PRICKLE2: variants seen among roughly 807,000 people sequenced by gnomAD.
PRICKLE2 encodes prickle-like protein 2.
In PRICKLE2, 21 loss-of-function variants were observed where a neutral mutation model predicts 81.4. The ratio of observed to expected loss-of-function variants is 0.26; its 90% CI spans 0.18 to 0.37. The LOEUF (loss-of-function observed/expected upper bound fraction) is 0.37. Among genes scored for constraint, PRICKLE2 ranks in the 10% least tolerant of loss-of-function variants. The pLI, the probability that PRICKLE2 is intolerant of heterozygous loss-of-function variation, is 1.00. For synonymous variants in PRICKLE2, 456 were observed against 421.5 expected, an observed-to-expected ratio of 1.08 and a Z score of -1.00; for missense variants, 940 against 1,109.0, an observed-to-expected ratio of 0.85 and a Z score of 2.16.
chr3:64,146,763 G>C, intron 7 of PRICKLE2, 67 bp downstream of exon 7: 2 of 1,582,000 alleles, frequency 1.3e-6, no homozygotes, highest in Non-Finnish European at 1.7e-6. Context: ...AAAATTCCTG[G>C]GGACCAGCAT....
chr3:64,199,163 G>C, intron 1 of PRICKLE2, 196 bp from the exon 2 acceptor site: 1 of 623,956 alleles, frequency 1.6e-6, no homozygotes, highest in South Asian at 2.0e-5. Flanking sequence ...TGTGAAAACA[G>C]CATGAAAGGT....
chr3:64,150,298 C>A (rs2077524633), intron 6 of PRICKLE2, among the ~76,000 whole-genome samples: 1 of 151,948 alleles, frequency 6.6e-6, no homozygotes, highest in Admixed American at 6.6e-5. Context: ...GCTGTGTGAC[C>A]CTAGGCAAAT....
Position 64,094,252 on chromosome 3 carries a change from GA to G in PRICKLE2, c.*4798del, listed in dbSNP as rs2076539054. The G allele has an allele frequency of 6.6e-6, 1 of 152,200 alleles. No homozygotes were observed. The highest frequency in any genetic ancestry group is 2.4e-5 in the African/African-American group (1 of 41,442). 9.4% of individuals were successfully genotyped at this position (152,200 alleles called of 1,614,324 possible). On this transcript the variant is annotated 3_prime_UTR_variant, in exon 8 of 8. Coordinates refer to ENST00000638394, the MANE Select transcript of PRICKLE2 (RefSeq NM_198859.4). ...CTTACAATGTTAAGTCAGGGTCTAT[GA>G]CAGAATCATGACACTTTATGGAAAG...
intron 7 of PRICKLE2, chr3:64,100,336 C>T (rs978340254): frequency 1.6e-5 from 3 of 182,740 alleles, no homozygotes; most frequent in African/African-American, 7.0e-5. Flanking sequence ...AAACTTTAAG[C>T]TCTAGAGGCT....
chr3:64,107,362 A>T (rs1382323589), intron 7 of PRICKLE2, among the ~76,000 whole-genome samples: 1 of 152,214 alleles, frequency 6.6e-6, no homozygotes. Context: ...TGGAACGGAA[A>T]GAAAATATTT....
intron 7 of PRICKLE2, among the ~76,000 whole-genome samples, chr3:64,128,768 T>C (rs924780869): frequency 7.1e-6 from 1 of 141,162 alleles, no homozygotes; most frequent in Non-Finnish European, 1.5e-5. Flanking sequence ...AAAAAAGGCA[T>C]ATTCAATGTT....
chr3:64,234,124 A>G (rs2079146755), intron 2 of PRICKLE2, among the ~76,000 whole-genome samples: 2 of 152,110 alleles, frequency 1.3e-5, no homozygotes, highest in Admixed American at 1.3e-4. Flanking sequence ...GCTACTATGA[A>G]CATTCACGTA....
chr3:64,157,027 T>C, intron 5 of PRICKLE2, 135 bp downstream of exon 5: 1 of 822,856 alleles, frequency 1.2e-6, no homozygotes, highest in South Asian at 1.4e-5. Flanking sequence ...GTGGGGCTTC[T>C]CTCCCAAAAG....
At chr3:64,114,211 A>C (rs1358272329) in intron 7 of PRICKLE2, among the ~76,000 whole-genome samples, 1 of 151,740 alleles carries the variant, frequency 6.6e-6, no homozygotes, top group East Asian at 2.0e-4. Flanking sequence ...AAAAAAAAAA[A>C]CCATGCAAAG....
At chr3:64,233,544 C>T (rs1214202088) in intron 2 of PRICKLE2, among the ~76,000 whole-genome samples, 1 of 152,194 alleles carries the variant, frequency 6.6e-6, no homozygotes, top group Non-Finnish European at 1.5e-5. Flanking sequence ...AGTCATGTGG[C>T]TTGCTCTGTC....
intron 4 of PRICKLE2, among the ~76,000 whole-genome samples, chr3:64,158,884 C>T (rs567494922): frequency 6.6e-6 from 1 of 152,344 alleles, no homozygotes; most frequent in East Asian, 1.9e-4. Flanking sequence ...ATCTGCTTCC[C>T]TTGGGCAGCA....
intron 2 of PRICKLE2, among the ~76,000 whole-genome samples, chr3:64,189,655 T>C (rs1000447914): frequency 3.3e-5 from 5 of 152,362 alleles, no homozygotes; most frequent in African/African-American, 1.2e-4. Context: ...AATGGGACTG[T>C]TTATTCACGC....
chr3:64,152,638 C>G (rs1345379397), intron 6 of PRICKLE2, among the ~76,000 whole-genome samples: 1 of 151,906 alleles, frequency 6.6e-6, no homozygotes, highest in Non-Finnish European at 1.5e-5. Context: ...TTTGGTTCCT[C>G]CTCTGCAAAT....
At chr3:64,258,856 A>AGAAAGAAAGAAG in intron 2 of PRICKLE2, among the ~76,000 whole-genome samples, 2 of 137,938 alleles carry the variant, frequency 1.4e-5, no homozygotes, top group Non-Finnish European at 3.2e-5. Context: ...AAAGAAAGAA[A>AGAAAGAAAGAAG]GAAAGAAAGA....
chr3:64,187,515 A>T (rs1397770461), intron 2 of PRICKLE2: 1 of 152,240 alleles, frequency 6.6e-6, no homozygotes, highest in East Asian at 1.9e-4. Flanking sequence ...AGTTGGAGAG[A>T]CATGCATCTC....
At chr3:64,153,490 TAAAC>T in intron 5 of PRICKLE2, 122 bp from the exon 6 acceptor site, 2 of 872,066 alleles carry the variant, frequency 2.3e-6, no homozygotes, top group South Asian at 2.9e-5. Context: ...CACAAATAAT[TAAAC>T]AAAAATCCAT....
chr3:64,227,847 G>A (rs550486112), upstream of PRICKLE2, among the ~76,000 whole-genome samples: 36 of 152,314 alleles, frequency 2.4e-4, no homozygotes, highest in Admixed American at 9.8e-4. Flanking sequence ...TAACTTCAGC[G>A]CAAATTAGTT....
intron 7 of PRICKLE2, among the ~76,000 whole-genome samples, chr3:64,125,423 T>A (rs1340234423): frequency 6.6e-6 from 1 of 152,208 alleles, no homozygotes; most frequent in Non-Finnish European, 1.5e-5. Flanking sequence ...TCAAACAGCA[T>A]CACATACTAC....
chr3:64,231,295 A>G (rs2079097123), intron 2 of PRICKLE2, among the ~76,000 whole-genome samples: 1 of 152,234 alleles, frequency 6.6e-6, no homozygotes. Flanking sequence ...GATTGCATCA[A>G]TGATTTCACT....
Sources: allele counts gnomAD v4.1 joint callset (sites outside exome capture counted in the v4.1 genomes callset), GRCh38; gene constraint gnomAD v4.1.1; transcripts MANE v1.5; gene names NCBI Gene and HGNC (gene_info 2026-07-23, HGNC 2026-07-21).